Variants in SLIT3 observed in about 807,000 individuals in gnomAD.
SLIT3 encodes the protein slit guidance ligand 3, also known as slit homolog 3 protein.
SLIT3 carries 68 observed loss-of-function variants against 184.0 expected under a neutral mutation model. The ratio of observed to expected loss-of-function variants is 0.37; its 90% CI spans 0.30 to 0.45. The LOEUF (loss-of-function observed/expected upper bound fraction) is 0.45, where lower values mean the gene tolerates loss of function less well. Among genes scored for constraint, SLIT3 ranks in the 20% least tolerant of loss-of-function variants. The pLI is 1.00. For synonymous variants in SLIT3, 831 were observed against 828.6 expected (o/e 1.00, Z -0.05); for missense variants, 1,707 against 2,026.0 (o/e 0.84, Z 3.02).
intron 25 of SLIT3, 77 bp downstream of exon 25, chr5:168,710,818 C>A (rs980352587): frequency 1.6e-6 from 2 of 1,280,122 alleles, no homozygotes; most frequent in African/African-American, 1.5e-5. Flanking sequence ...TGTTGAGATA[C>A]CCTGCTCTGA....
At chr5:169,243,243 C>CAGAA (rs1341723112) in intron 3 of SLIT3, among the ~76,000 whole-genome samples, 1 of 152,144 alleles carries the variant, frequency 6.6e-6, no homozygotes, top group Non-Finnish European at 1.5e-5. Flanking sequence ...CTCTTCTAAT[C>CAGAA]AGAAGGCTAA....
In SLIT3 at chr5:168,685,765, A is replaced by G. The variant is rs2113227158; in HGVS notation, c.3477T>C (p.Thr1159=). 1 of 1,609,456 alleles carries G rather than the reference A, an allele frequency of 6.2e-7. No homozygotes were observed. Among genetic ancestry groups the G allele is most frequent in the Non-Finnish European group, 8.5e-7 (1 of 1,177,078 alleles). ...AGGAGTCTTTGCCCACGAAGTTGAC[A>G]GTGATGAGCTTCTCGCATCTGGGGC... ...FAGPRCEKLI[T]VNFVGKDSYV... is the part of the protein sequence containing the mutation. Residue 1159 remains threonine (T), a synonymous_variant, in exon 31 of 36, where the codon ACT becomes ACC. Transcript: ENST00000519560.
intron 3 of SLIT3, among the ~76,000 whole-genome samples, chr5:169,204,640 G>A (rs2113495787): frequency 6.6e-6 from 1 of 152,276 alleles, no homozygotes; most frequent in South Asian, 2.1e-4. Context: ...GCCAGAGACG[G>A]GTCACCTGTG....
chr5:168,833,835 T>A (rs1361699290), intron 6 of SLIT3, among the ~76,000 whole-genome samples: 3 of 152,212 alleles, frequency 2.0e-5, no homozygotes, highest in Non-Finnish European at 2.9e-5. Context: ...TCTTTTTTTT[T>A]AAATGAAGTG....
At chr5:169,211,891 GT>G (rs1306111882) in intron 3 of SLIT3, among the ~76,000 whole-genome samples, 2 of 152,066 alleles carry the variant, frequency 1.3e-5, no homozygotes. Context: ...GTGGTGTTTG[GT>G]TTTCTGTTCT....
chr5:168,866,292 T>G (rs553431655), intron 5 of SLIT3, among the ~76,000 whole-genome samples: 1 of 152,322 alleles, frequency 6.6e-6, no homozygotes, highest in East Asian at 1.9e-4. Flanking sequence ...CTCCACTGTT[T>G]GGAGAAAAAG....
intron 4 of SLIT3, among the ~76,000 whole-genome samples, chr5:169,096,659 A>C (rs1461017376): frequency 6.6e-6 from 1 of 152,188 alleles, no homozygotes; most frequent in Non-Finnish European, 1.5e-5. Flanking sequence ...TTAGGGATGG[A>C]TCTAGGGCAT....
At chr5:169,184,455 G>C (rs796797795) in intron 4 of SLIT3, among the ~76,000 whole-genome samples, 27 of 152,292 alleles carry the variant, frequency 1.8e-4, no homozygotes, top group African/African-American at 6.5e-4. Context: ...GAAGGAGTTG[G>C]CATCAACATA....
At chr5:169,150,295 G>C (rs1762071688) in intron 4 of SLIT3, among the ~76,000 whole-genome samples, 1 of 152,136 alleles carries the variant, frequency 6.6e-6, no homozygotes, top group South Asian at 2.1e-4. Context: ...CATCACAGAT[G>C]CCTTGTGTGC....
chr5:168,814,676 G>A (rs1757273825), intron 8 of SLIT3, among the ~76,000 whole-genome samples: 1 of 152,232 alleles, frequency 6.6e-6, no homozygotes, highest in Admixed American at 6.5e-5. Context: ...GTCTCACAAA[G>A]TGTATTTAAC....
intron 4 of SLIT3, among the ~76,000 whole-genome samples, chr5:169,082,535 C>A (rs1759110295): frequency 6.6e-6 from 1 of 152,150 alleles, no homozygotes; most frequent in South Asian, 2.1e-4. Flanking sequence ...CTATTCTTCC[C>A]ACCCCAATGC....
At chr5:169,034,939 G>T (rs868233561) in intron 4 of SLIT3, among the ~76,000 whole-genome samples, 17 of 150,988 alleles carry the variant, frequency 1.1e-4, no homozygotes, top group Middle Eastern at 3.4e-3. Flanking sequence ...GTGTGTGTGT[G>T]TGTGTGTGTG....
chr5:169,217,130 TAAAAAAAAAAAAA>T, intron 3 of SLIT3, among the ~76,000 whole-genome samples: 1 of 126,938 alleles, frequency 7.9e-6, no homozygotes, highest in African/African-American at 2.9e-5. Flanking sequence ...TTGAGTAGGT[TAAAAAAAAAAAAA>T]AAAAAAAAAC....
At chr5:169,220,875 G>A (rs982082309) in intron 3 of SLIT3, among the ~76,000 whole-genome samples, 2 of 152,114 alleles carry the variant, frequency 1.3e-5, no homozygotes, top group Non-Finnish European at 2.9e-5. Flanking sequence ...CAGGTCACTC[G>A]ATCTATACAA....
In SLIT3 at chr5:168,789,635, A is replaced by T. The variant is rs1191469120; in HGVS notation, c.1008-4T>A. On this transcript the variant is annotated splice_polypyrimidine_tract_variant and splice_region_variant and intron_variant, in intron 10 of 35. Coordinates refer to ENST00000519560, the MANE Select transcript of SLIT3 (RefSeq NM_003062.4). ...TATCTGATTCTTGCTGATGTCTCTG[A>T]AAACGTTAACGGTAAAGTCTGAGAA... 2 of 1,612,688 alleles carry T rather than the reference A, an allele frequency of 1.2e-6. No homozygotes were observed. Among genetic ancestry groups the T allele is most frequent in the East Asian group, 4.5e-5 (2 of 44,860 alleles).
intron 3 of SLIT3, among the ~76,000 whole-genome samples, chr5:169,228,435 C>T (rs775320522): frequency 6.6e-6 from 1 of 152,090 alleles, no homozygotes; most frequent in South Asian, 2.1e-4. Context: ...GACGACTGCC[C>T]GGAGAAATTC....
intron 1 of SLIT3, among the ~76,000 whole-genome samples, chr5:169,256,119 T>C (rs1765953446): frequency 1.3e-5 from 2 of 152,126 alleles, no homozygotes; most frequent in South Asian, 4.1e-4. Flanking sequence ...TTATCTTTTA[T>C]ACCGTATCTT....
intron 2 of SLIT3, among the ~76,000 whole-genome samples, chr5:169,245,412 G>A (rs1393153413): frequency 2.6e-5 from 4 of 152,084 alleles, no homozygotes; most frequent in Non-Finnish European, 4.4e-5. Flanking sequence ...TCTGGTTCAC[G>A]CATAGAGTAT....
intron 3 of SLIT3, among the ~76,000 whole-genome samples, chr5:169,225,581 C>T (rs72645754): frequency 0.16 from 24,531 of 152,138 alleles, 2,214 homozygotes; most frequent in East Asian, 0.44. Flanking sequence ...CAAGCCAACA[C>T]CACTAACAAA....
Sources: allele counts gnomAD v4.1 joint callset (sites outside exome capture counted in the v4.1 genomes callset), GRCh38; gene constraint gnomAD v4.1.1; transcripts MANE v1.5; gene names NCBI Gene and HGNC (gene_info 2026-07-23, HGNC 2026-07-21).